Variants in FOS observed in about 807,000 individuals in gnomAD.
The protein encoded by FOS is Fos proto-oncogene, AP-1 transcription factor subunit, also known as protein c-Fos.
A neutral mutation model predicts 27.2 loss-of-function variants in FOS; 9 were observed. The ratio of observed to expected loss-of-function variants is 0.33; its 90% CI spans 0.20 to 0.58. The LOEUF is 0.58. Among genes scored for constraint, FOS ranks in the 20% least tolerant of loss-of-function variants. The probability of loss-of-function intolerance (pLI) is 0.87; values close to 1 mark genes in which losing one functional copy is unlikely to be tolerated. For missense variants in FOS, 405 were observed against 483.5 expected (o/e 0.84, Z 1.52); for synonymous variants, 213 against 205.1 (o/e 1.04, Z -0.33).
At position 75,280,031 on chromosome 14, in the gene FOS, C is replaced by T. The variant is rs1897208794; in HGVS notation, c.296C>T (p.Pro99Leu). The change falls in exon 2 of 4, where the codon CCC becomes CTC. Residue 99 changes from proline to leucine, a missense_variant. Physicochemically the swap from Pro to Leu is moderately conservative, Grantham distance 98. Transcript: ENST00000303562. The stretch of plus-strand genomic sequence containing the variant: ...AGAGCCCCTCACCCTTTCGGAGTCC[C>T]CGCCCCCTCCGCTGGGGCTTACTCC... Reference protein sequence around the residue: ...QTRAPHPFGVPAPSAGAYSRA... With the variant: ...QTRAPHPFGVLAPSAGAYSRA... 1 of 1,614,184 alleles carries T rather than the reference C, an allele frequency of 6.2e-7. No homozygotes were observed. Among genetic ancestry groups the T allele is most frequent in the Non-Finnish European group, 8.5e-7 (1 of 1,180,034 alleles).
In FOS at chr14:75,278,853, G is replaced by C; in HGVS notation, c.-130G>C. 9.2e-7 allele frequency: 1 copy of C among 1,085,850 alleles called. No homozygotes were observed. The highest frequency in any genetic ancestry group is 1.5e-5 in the South Asian group (1 of 67,102). 67.3% of individuals were successfully genotyped at this position (1,085,850 alleles called of 1,614,324 possible). A position where few individuals can be genotyped will look rare whatever the true frequency, so the allele number is the denominator to read the frequency against. The stretch of plus-strand genomic sequence containing the variant: ...AACCGCATCTGCAGCGAGCATCTGA[G>C]AAGCCAAGACTGAGCCGGCGGCCGC... On this transcript the variant is annotated 5_prime_UTR_variant, in exon 1 of 4. Coordinates refer to ENST00000303562, the MANE Select transcript of FOS (RefSeq NM_005252.4). The surrounding 1 kb of genome is among the most constrained non-coding windows in gnomAD (Gnocchi z 4.1).
At position 75,280,883 on chromosome 14, in the gene FOS, G is replaced by C. The variant is rs746175046; in HGVS notation, c.602G>C (p.Arg201Pro). The C allele has an allele frequency of 1.9e-6, 3 of 1,613,988 alleles. No individual in the cohort carries two copies. The highest frequency in any genetic ancestry group is 1.7e-5 in the Admixed American group (1 of 59,996). The change falls in exon 4 of 4, where the codon CGA becomes CCA. Residue 201 changes from arginine to proline, a missense_variant. By Grantham distance (103) the Arg-to-Pro change is moderately radical (BLOSUM62 -2). Coordinates refer to ENST00000303562, the MANE Select transcript of FOS (RefSeq NM_005252.4). ...CTAGAGTTCATCCTGGCAGCTCACC[G>C]ACCTGCCTGCAAGATCCCTGATGAC... ...EKLEFILAAH[R>P]PACKIPDDLG...
Position 75,279,026 on chromosome 14 carries a change from C to T in FOS, c.44C>T (p.Ser15Phe). 1 of 1,613,746 alleles carries T rather than the reference C, an allele frequency of 6.2e-7. No homozygotes were observed. The highest frequency in any genetic ancestry group is 2.2e-5 in the East Asian group (1 of 44,874). ...GFNADYEASSSRCSSASPAGD... is the reference protein window; with the variant it reads ...GFNADYEASSFRCSSASPAGD... ...AACGCAGACTACGAGGCGTCATCCT[C>T]CCGCTGCAGCAGCGCGTCCCCGGCC... Residue 15 changes from serine to phenylalanine, a missense_variant, in exon 1 of 4, where the codon TCC becomes TTC. Ser to Phe is a radical substitution (Grantham distance 155). Coordinates refer to ENST00000303562, the MANE Select transcript of FOS (RefSeq NM_005252.4). The surrounding 1 kb of genome is among the most constrained non-coding windows in gnomAD (Gnocchi z 5.4).
At position 75,279,973 on chromosome 14, in the gene FOS, G is replaced by T. The variant is rs200973067; in HGVS notation, c.238G>T (p.Ala80Ser). 3 of 1,614,082 alleles carry T rather than the reference G, an allele frequency of 1.9e-6. No homozygotes were observed. The highest frequency in any genetic ancestry group is 2.7e-5 in the African/African-American group (2 of 75,022). ...GGACCTGCAGTGGCTGGTGCAGCCC[G>T]CCCTCGTCTCCTCCGTGGCCCCATC... ...SPDLQWLVQPALVSSVAPSQT... is the reference protein window; with the variant it reads ...SPDLQWLVQPSLVSSVAPSQT... The change falls in exon 2 of 4, where the codon GCC (alanine) becomes TCC (serine). Residue 80 changes from alanine to serine, a missense_variant. Transcript: ENST00000303562. The surrounding 1 kb of genome is among the most constrained non-coding windows in gnomAD (Gnocchi z 5.4).
rs760336231 is a variant in FOS at position 75,280,666 on chromosome 14, C to A, written c.500C>A (p.Ala167Glu). 1 of 1,612,522 alleles carries A rather than the reference C, an allele frequency of 6.2e-7. No individual in the cohort carries two copies. ...RRRELTDTLQ[A>E]ETDQLEDEKS... ...AGGGAGCTGACTGATACACTCCAAG[C>A]GGTAGGTACTCTGTGGGTTGCTCCT... is the stretch of plus-strand genomic sequence containing the variant. Residue 167 changes from alanine to glutamate, a missense_variant and splice_region_variant, in exon 3 of 4, where the codon GCG becomes GAG. Coordinates refer to ENST00000303562, the MANE Select transcript of FOS (RefSeq NM_005252.4).
chr14:75,279,469 C>G lies in FOS; in HGVS notation c.141+346C>G. ...GGGAGGTGGCAGAAAGCGGCAATCC[C>G]CCCTCCCCCGGCAGCCTGGAGCACG... On this transcript the variant is annotated intron_variant, in intron 1 of 3. Transcript: ENST00000303562. The surrounding 1 kb of genome is among the most constrained non-coding windows in gnomAD (Gnocchi z 5.4). The G allele has an allele frequency of 2.2e-6, 1 of 446,602 alleles. No homozygotes were observed. Among genetic ancestry groups the G allele is most frequent in the South Asian group, 2.5e-5 (1 of 40,050 alleles). The allele number at this position is 446,602 out of a possible 1,614,324, so 27.7% of individuals were successfully genotyped here. A position where few individuals can be genotyped will look rare whatever the true frequency, so the allele number is the denominator to read the frequency against.
chr14:75,280,466 G>T, intron 2 of FOS, 94 bp from the exon 3 acceptor site: 1 of 975,898 alleles, frequency 1.0e-6, no homozygotes, highest in Non-Finnish European at 1.6e-6. Context: ...CAGGAAGCAG[G>T]GAAGCTGCAG....
chr14:75,281,245 C>T lies in FOS; in HGVS notation c.964C>T (p.Pro322Ser), dbSNP rs1897226510. The part of the protein sequence containing the change: ...GMGPMATELE[P>S]LCTPVVTCTP... ...GGGGCCCATGGCCACAGAGCTGGAG[C>T]CCCTGTGCACTCCGGTGGTCACCTG... The change falls in exon 4 of 4, where the codon CCC (proline) becomes TCC (serine). Residue 322 changes from proline to serine, a missense_variant. By Grantham distance (74) the Pro-to-Ser change is moderately conservative (BLOSUM62 -1). Coordinates refer to ENST00000303562, the MANE Select transcript of FOS (RefSeq NM_005252.4). This position sits in a 1 kb window ranked among gnomAD's most constrained non-coding sequence, Gnocchi z 4.7. 1 of 1,612,422 alleles carries T rather than the reference C, an allele frequency of 6.2e-7. No homozygotes were observed. Among genetic ancestry groups the T allele is most frequent in the Non-Finnish European group, 8.5e-7 (1 of 1,179,988 alleles).
At position 75,279,688 on chromosome 14, in the gene FOS, A is replaced by G; in HGVS notation, c.142-189A>G. 1.6e-6 allele frequency: 1 copy of G among 644,912 alleles called. No individual in the cohort carries two copies. The highest frequency in any genetic ancestry group is 2.7e-6 in the Non-Finnish European group (1 of 371,784). 39.9% of individuals were successfully genotyped at this position (644,912 alleles called of 1,614,324 possible). Reference sequence around the variant, plus strand: ...AACGCAGCGGCAGGATGGAAGAGACAGGCACTGCGCTGCGGAATGCCTGGG... The same window carrying G: ...AACGCAGCGGCAGGATGGAAGAGACGGGCACTGCGCTGCGGAATGCCTGGG... On this transcript the variant is annotated intron_variant, in intron 1 of 3. Transcript: ENST00000303562. This position sits in a 1 kb window ranked among gnomAD's most constrained non-coding sequence, Gnocchi z 5.4.
chr14:75,281,629 G>A lies in FOS; in HGVS notation c.*205G>A. On this transcript the variant is annotated 3_prime_UTR_variant, in exon 4 of 4. Transcript: ENST00000303562. This position sits in a 1 kb window ranked among gnomAD's most constrained non-coding sequence, Gnocchi z 4.7. Reference sequence around the variant, plus strand: ...TCAAGTCCTTACCTCTTCCGGAGATGTAGCAAAACGCATGGAGTGTGTATT... The same window carrying A: ...TCAAGTCCTTACCTCTTCCGGAGATATAGCAAAACGCATGGAGTGTGTATT... 2 of 602,230 alleles carry A rather than the reference G, an allele frequency of 3.3e-6. No individual in the cohort carries two copies. The highest frequency in any genetic ancestry group is 5.9e-6 in the Non-Finnish European group (2 of 340,512). The allele number at this position is 602,230 out of a possible 1,614,324, so 37.3% of individuals were successfully genotyped here. A position where few individuals can be genotyped will look rare whatever the true frequency, so the allele number is the denominator to read the frequency against.
rs1897193000 is a variant in FOS, at chr14:75,278,919, T to C, written c.-64T>C. The C allele has an allele frequency of 1.9e-6, 3 of 1,599,426 alleles. No homozygotes were observed. Among genetic ancestry groups the C allele is most frequent in the East Asian group, 4.5e-5 (2 of 44,276 alleles). ...CAGTGACCGTGCTCCTACCCAGCTC[T>C]GCTCCACAGCGCCCACCTGTCTCCG... On this transcript the variant is annotated 5_prime_UTR_variant, in exon 1 of 4. Transcript: ENST00000303562. The surrounding 1 kb of genome is among the most constrained non-coding windows in gnomAD (Gnocchi z 4.1).
At position 75,279,774 on chromosome 14, in the gene FOS, A is replaced by G; in HGVS notation, c.142-103A>G. ...ACATTTAAGATGAAATGTCCGTGGC[A>G]GGATCGTTTCTCTTCACTGCTGCAT... On this transcript the variant is annotated intron_variant, in intron 1 of 3. Coordinates refer to ENST00000303562, the MANE Select transcript of FOS (RefSeq NM_005252.4). The surrounding 1 kb of genome is among the most constrained non-coding windows in gnomAD (Gnocchi z 5.4). 2 of 1,316,078 alleles carry G rather than the reference A, an allele frequency of 1.5e-6. No homozygotes were observed. The highest frequency in any genetic ancestry group is 2.1e-6 in the Non-Finnish European group (2 of 952,944). The allele number at this position is 1,316,078 out of a possible 1,614,324, so 81.5% of individuals were successfully genotyped here.
At position 75,278,996 on chromosome 14, in the gene FOS, G is replaced by T; in HGVS notation, c.14G>T (p.Gly5Val). 1 of 1,613,662 alleles carries T rather than the reference G, an allele frequency of 6.2e-7. No individual in the cohort carries two copies. The highest frequency in any genetic ancestry group is 8.5e-7 in the Non-Finnish European group (1 of 1,179,948). MMFS[G>V]FNADYEASSS... Reference sequence around the variant, plus strand: ...CTAACCGCCACGATGATGTTCTCGGGCTTCAACGCAGACTACGAGGCGTCA... The same window carrying T: ...CTAACCGCCACGATGATGTTCTCGGTCTTCAACGCAGACTACGAGGCGTCA... Residue 5 changes from glycine to valine, a missense_variant, in exon 1 of 4, where the codon GGC becomes GTC. By Grantham distance (109) the Gly-to-Val change is moderately radical. Coordinates refer to ENST00000303562, the MANE Select transcript of FOS (RefSeq NM_005252.4). The surrounding 1 kb of genome is among the most constrained non-coding windows in gnomAD (Gnocchi z 4.1).
Position 75,279,294 on chromosome 14 carries a change from C to T in FOS, c.141+171C>T. 1.2e-6 allele frequency: 1 copy of T among 820,808 alleles called. No individual in the cohort carries two copies. Among genetic ancestry groups the T allele is most frequent in the Non-Finnish European group, 1.9e-6 (1 of 525,348 alleles). The allele number at this position is 820,808 out of a possible 1,614,324, so 50.8% of individuals were successfully genotyped here. On this transcript the variant is annotated intron_variant, in intron 1 of 3. Coordinates refer to ENST00000303562, the MANE Select transcript of FOS (RefSeq NM_005252.4). This position sits in a 1 kb window ranked among gnomAD's most constrained non-coding sequence, Gnocchi z 5.4. ...GCTCGGGACTTGCTCTGAGCGCACG[C>T]ACGCTTGCCATAGTAAGAATTGGTT... is the stretch of plus-strand genomic sequence containing the variant.
At position 75,279,248 on chromosome 14, in the gene FOS, C is replaced by A; in HGVS notation, c.141+125C>A. ...GTGCCTGGAGGGAGGCTGCCGTGGC[C>A]GGAGCGGTGCCGGCTCGGGGGCTCG... On this transcript the variant is annotated intron_variant, in intron 1 of 3. Coordinates refer to ENST00000303562, the MANE Select transcript of FOS (RefSeq NM_005252.4). The surrounding 1 kb of genome is among the most constrained non-coding windows in gnomAD (Gnocchi z 5.4). The A allele has an allele frequency of 7.5e-7, 1 of 1,328,442 alleles. No homozygotes were observed. Among genetic ancestry groups the A allele is most frequent in the Non-Finnish European group, 1.0e-6 (1 of 965,246 alleles). 82.3% of individuals were successfully genotyped at this position (1,328,442 alleles called of 1,614,324 possible).
At position 75,280,594 on chromosome 14, in the gene FOS, G is replaced by A. The variant is rs771351750; in HGVS notation, c.428G>A (p.Arg143Gln). 2.3e-5 allele frequency: 37 copies of A among 1,613,944 alleles called. No homozygotes were observed. Among genetic ancestry groups the A allele is most frequent in the Admixed American group, 1.7e-5 (1 of 59,990 alleles). ...GAAGAAGAAGAGAAAAGGAGAATCC[G>A]AAGGGAAAGGAATAAGATGGCTGCA... ...SPEEEEKRRI[R>Q]RERNKMAAAK... Residue 143 changes from arginine (R) to glutamine (Q), a missense_variant, in exon 3 of 4, where the codon CGA (arginine) becomes CAA (glutamine). Transcript: ENST00000303562.
chr14:75,279,269 G>C lies in FOS; in HGVS notation c.141+146G>C, dbSNP rs1397115850. 4 of 1,052,886 alleles carry C rather than the reference G, an allele frequency of 3.8e-6. No individual in the cohort carries two copies. The highest frequency in any genetic ancestry group is 5.5e-6 in the Non-Finnish European group (4 of 724,860). 65.2% of individuals were successfully genotyped at this position (1,052,886 alleles called of 1,614,324 possible). On this transcript the variant is annotated intron_variant, in intron 1 of 3. Coordinates refer to ENST00000303562, the MANE Select transcript of FOS (RefSeq NM_005252.4). The surrounding 1 kb of genome is among the most constrained non-coding windows in gnomAD (Gnocchi z 5.4). ...TGGCCGGAGCGGTGCCGGCTCGGGG[G>C]CTCGGGACTTGCTCTGAGCGCACGC...
rs1260659972 is a variant in FOS at position 75,279,817 on chromosome 14, C to T, written c.142-60C>T. 2.0e-6 allele frequency: 3 copies of T among 1,535,932 alleles called. No individual in the cohort carries two copies. The highest frequency in any genetic ancestry group is 4.0e-5 in the Admixed American group (2 of 49,554). ...TGCTGCATGCGGCACTGGGAACTCGCCCCACCTGTGTCCGGAACCTGCTCG... is the reference window on the plus strand; with the variant it reads ...TGCTGCATGCGGCACTGGGAACTCGTCCCACCTGTGTCCGGAACCTGCTCG... On this transcript the variant is annotated intron_variant, in intron 1 of 3. Coordinates refer to ENST00000303562, the MANE Select transcript of FOS (RefSeq NM_005252.4). This position sits in a 1 kb window ranked among gnomAD's most constrained non-coding sequence, Gnocchi z 5.4.
At position 75,281,049 on chromosome 14, in the gene FOS, C is replaced by T. The variant is rs755314164; in HGVS notation, c.768C>T (p.Val256=). The change falls in exon 4 of 4, where the codon GTC becomes GTT. Residue 256 remains valine, a synonymous_variant. Coordinates refer to ENST00000303562, the MANE Select transcript of FOS (RefSeq NM_005252.4). The surrounding 1 kb of genome is among the most constrained non-coding windows in gnomAD (Gnocchi z 4.7). ...AGCCCAAGCCCTCAGTGGAACCTGT[C>T]AAGAGCATCAGCAGCATGGAGCTGA... The part of the protein sequence containing the change: ...DPEPKPSVEP[V]KSISSMELKT... The T allele has an allele frequency of 1.2e-6, 2 of 1,613,372 alleles. No homozygotes were observed. The highest frequency in any genetic ancestry group is 1.7e-6 in the Non-Finnish European group (2 of 1,180,034).
Sources: allele counts gnomAD v4.1 joint callset, GRCh38; gene constraint gnomAD v4.1.1; non-coding constraint Gnocchi (gnomAD v3.1); transcripts MANE v1.5; gene names NCBI Gene and HGNC (gene_info 2026-07-23, HGNC 2026-07-21).